The following MYPN variants were observed in gnomAD, a reference collection of about 807,000 sequenced individuals.
The protein encoded by MYPN is myopalladin, also known as sarcomeric protein myopalladin, 145 kDa (MYOP).
In MYPN, 63 loss-of-function variants were observed where a neutral mutation model predicts 129.4. That is an observed-to-expected ratio of 0.49 (90% CI 0.40 to 0.60). MYPN has a LOEUF of 0.60. MYPN is among the 20% of genes least tolerant of loss of function. The probability of loss-of-function intolerance (pLI) is 0.00; values close to 1 mark genes in which losing one functional copy is unlikely to be tolerated. For synonymous variants in MYPN, 629 were observed against 600.9 expected (o/e 1.05, Z -0.68); for missense variants, 1,596 against 1,635.4 (o/e 0.98, Z 0.42).
At chr10:68,138,184 C>T (rs536990489) in intron 2 of MYPN, among the ~76,000 whole-genome samples, 1 of 150,290 alleles carries the variant, frequency 6.7e-6, no homozygotes, top group East Asian at 2.0e-4. Context: ...CTCATTGCAA[C>T]CTCTGCCTCC....
rs1187626834 is a variant in MYPN, at chr10:68,122,247, G to A, written c.809G>A (p.Arg270Gln). ...YYEEPLGQPP[R>Q]FTQKLRSREV... ...GAAGAACCTCTGGGGCAACCTCCCC[G>A]GTTCACTCAAAAGTTACGGAGCAGA... is the stretch of plus-strand genomic sequence containing the variant. Residue 270 changes from arginine to glutamine, a missense_variant, in exon 2 of 20, where the codon CGG (arginine) becomes CAG (glutamine). Coordinates refer to ENST00000358913, the MANE Select transcript of MYPN (RefSeq NM_032578.4). The A allele has an allele frequency of 1.2e-6, 2 of 1,613,454 alleles. No homozygotes were observed. The highest frequency in any genetic ancestry group is 4.5e-5 in the East Asian group (2 of 44,876).
At chr10:68,119,713 C>A (rs1222151289) in intron 1 of MYPN, among the ~76,000 whole-genome samples, 4 of 152,186 alleles carry the variant, frequency 2.6e-5, no homozygotes, top group Non-Finnish European at 4.4e-5. Context: ...TGCCCTGTCA[C>A]CTTTGCATTT....
At chr10:68,204,462 CTGTAA>C (rs2043777266) in intron 18 of MYPN, among the ~76,000 whole-genome samples, 1 of 152,010 alleles carries the variant, frequency 6.6e-6, no homozygotes, top group Non-Finnish European at 1.5e-5. Flanking sequence ...TGGCTTACGC[CTGTAA>C]TCCCAGCACT....
At chr10:68,200,115 G>T (rs748850038) in intron 17 of MYPN, among the ~76,000 whole-genome samples, 27 of 152,164 alleles carry the variant, frequency 1.8e-4, no homozygotes, top group Admixed American at 7.2e-4. Flanking sequence ...GAAAAGGAGA[G>T]ATTCATAGAG....
At chr10:68,177,036 G>C (rs1423519671) in intron 12 of MYPN, among the ~76,000 whole-genome samples, 1 of 152,206 alleles carries the variant, frequency 6.6e-6, no homozygotes, top group Non-Finnish European at 1.5e-5. Flanking sequence ...AGAGCAATTA[G>C]AGCCTTGTAA....
intron 2 of MYPN, among the ~76,000 whole-genome samples, chr10:68,132,322 A>G (rs2042423917): frequency 6.6e-6 from 1 of 152,208 alleles, no homozygotes; most frequent in African/African-American, 2.4e-5. Flanking sequence ...CCAATCTTGA[A>G]TTCTTTGGAT....
At chr10:68,206,397 CT>C (rs1293279010) in intron 18 of MYPN, among the ~76,000 whole-genome samples, 2 of 152,328 alleles carry the variant, frequency 1.3e-5, no homozygotes, top group African/African-American at 4.8e-5. Context: ...CATCCACCCC[CT>C]GGCTCTATTT....
At chr10:68,169,302 G>A (rs564559668) in intron 10 of MYPN, among the ~76,000 whole-genome samples, 59 of 151,000 alleles carry the variant, frequency 3.9e-4, no homozygotes, top group Admixed American at 2.5e-3. Context: ...AGCTTGCAGT[G>A]GGCCAAGATC....
In MYPN at chr10:68,121,978, C is replaced by T. The variant is rs1564647398; in HGVS notation, c.540C>T (p.Asn180=). Residue 180 remains asparagine, a synonymous_variant, in exon 2 of 20, where the codon AAC becomes AAT. Coordinates refer to ENST00000358913, the MANE Select transcript of MYPN (RefSeq NM_032578.4). ...GGATTAGACCTCGTGCCTGCAAAAA[C>T]CACAAGAGTAAACTGGAATCTCAAA... The part of the protein sequence containing the change: ...SKRIRPRACK[N]HKSKLESQNK... 6.2e-7 allele frequency: 1 copy of T among 1,614,210 alleles called. No homozygotes were observed. Among genetic ancestry groups the T allele is most frequent in the East Asian group, 2.2e-5 (1 of 44,880 alleles).
rs762629417 is a variant in MYPN, at chr10:68,121,977, A to C, written c.539A>C (p.Asn180Thr). The change falls in exon 2 of 20, where the codon AAC becomes ACC. Residue 180 changes from asparagine (N) to threonine (T), a missense_variant. Physicochemically the swap from Asn to Thr is moderately conservative, Grantham distance 65 (BLOSUM62 0). Coordinates refer to ENST00000358913, the MANE Select transcript of MYPN (RefSeq NM_032578.4). ...AGGATTAGACCTCGTGCCTGCAAAA[A>C]CCACAAGAGTAAACTGGAATCTCAA... ...SKRIRPRACK[N>T]HKSKLESQNK... 2 of 1,614,210 alleles carry C rather than the reference A, an allele frequency of 1.2e-6. No individual in the cohort carries two copies. The highest frequency in any genetic ancestry group is 3.3e-5 in the Admixed American group (2 of 60,022).
chr10:68,203,817 A>G (rs973228357), intron 18 of MYPN, among the ~76,000 whole-genome samples: 15 of 152,048 alleles, frequency 9.9e-5, no homozygotes, highest in Admixed American at 8.5e-4. Context: ...GAGCATGTGG[A>G]ATGCAAGCAT....
intron 6 of MYPN, among the ~76,000 whole-genome samples, chr10:68,151,954 G>A (rs1248145456): frequency 6.6e-6 from 1 of 152,178 alleles, no homozygotes; most frequent in Non-Finnish European, 1.5e-5. Context: ...TATGCCAAAG[G>A]TGGTCTGGGT....
Position 68,189,056 on chromosome 10 carries a change from A to G in MYPN, c.2855A>G (p.Lys952Arg), listed in dbSNP as rs778943455. Residue 952 changes from lysine to arginine, a missense_variant, in exon 13 of 20, where the codon AAG (lysine) becomes AGG (arginine). By Grantham distance (26) the Lys-to-Arg change is conservative. Transcript: ENST00000358913. ...CIAPIFDKRL[K>R]HFRVTEGSPV... ...GCTCCCATCTTTGACAAGAGACTCA[A>G]GCACTTCCGGGTCACAGAAGGCTCT... 18 of 1,614,178 alleles carry G rather than the reference A, an allele frequency of 1.1e-5. No homozygotes were observed. The highest frequency in any genetic ancestry group is 1.4e-5 in the Non-Finnish European group (17 of 1,180,014).
rs796582310 is a variant in MYPN, at chr10:68,123,534, A to C, written c.902+1194A>C. ...TACTAAAAATACAAAAAAAAAAAAA[A>C]AATTAGCCAAGCATGGTGGCGGGCG... On this transcript the variant is annotated intron_variant, in intron 2 of 19. Coordinates refer to ENST00000358913, the MANE Select transcript of MYPN (RefSeq NM_032578.4). 9.0e-4 allele frequency among the ~76,000 whole-genome samples: 136 copies of C among 151,260 alleles called. 1 individual carries two copies. Among genetic ancestry groups the C allele is most frequent in the African/African-American group, 3.2e-3 (130 of 41,240 alleles).
intron 6 of MYPN, among the ~76,000 whole-genome samples, chr10:68,152,879 C>T (rs1239480459): frequency 6.6e-6 from 1 of 152,162 alleles, no homozygotes; most frequent in Non-Finnish European, 1.5e-5. Context: ...CTCAGATCCG[C>T]TCACCTCAGC....
At chr10:68,175,534 C>T (rs771263606) in intron 12 of MYPN, 73 bp downstream of exon 12, 51 of 1,544,676 alleles carry the variant, frequency 3.3e-5, no homozygotes, top group African/African-American at 2.7e-5. Context: ...ATTCAGTCCT[C>T]GGATACTCAG....
chr10:68,123,403 G>T (rs905271562), intron 2 of MYPN, among the ~76,000 whole-genome samples: 1 of 149,030 alleles, frequency 6.7e-6, no homozygotes, highest in Non-Finnish European at 1.5e-5. Flanking sequence ...TAGGCCTGGC[G>T]CAGTGGCTCA....
intron 1 of MYPN, among the ~76,000 whole-genome samples, chr10:68,113,151 T>C (rs1190538487): frequency 2.0e-5 from 3 of 152,256 alleles, no homozygotes; most frequent in Admixed American, 6.5e-5. Flanking sequence ...CAAATTTGCA[T>C]AGTGCTCTAC....
chr10:68,181,298 A>AT lies in MYPN; in HGVS notation c.2703+5848dup, dbSNP rs113156741. Reference sequence around the variant, plus strand: ...GAAAATACCTTTACATTTAATTTTAATTTTTTTTTTTGAGATGGAGTCTTG... The same window carrying AT: ...GAAAATACCTTTACATTTAATTTTAATTTTTTTTTTTTGAGATGGAGTCTTG... On this transcript the variant is annotated intron_variant, in intron 12 of 19. Transcript: ENST00000358913. 2.4e-3 allele frequency among the ~76,000 whole-genome samples: 358 copies of AT among 148,586 alleles called. 3 individuals are homozygous for AT. The highest frequency in any genetic ancestry group is 6.3e-3 in the African/African-American group (255 of 40,640).
Sources: gnomAD v4.1 joint callset for allele counts (sites outside exome capture counted in the v4.1 genomes callset) on GRCh38, gnomAD v4.1.1 for gene constraint, MANE v1.5 for transcripts, NCBI Gene and HGNC (gene_info 2026-07-23, HGNC 2026-07-21) for gene names.